JARID2: variants seen among roughly 807,000 people sequenced by gnomAD.
The protein encoded by JARID2 is protein Jumonji.
In JARID2, 21 loss-of-function variants were observed where a neutral mutation model predicts 125.6. The observed-to-expected ratio is 0.17, with a 90% CI of 0.12 to 0.24. The LOEUF is 0.24. JARID2 is among the 10% of genes least tolerant of loss of function. The pLI is 1.00. For synonymous variants in JARID2, 736 were observed against 661.6 expected (o/e 1.11, Z -1.73); for missense variants, 1,303 against 1,639.6 (o/e 0.79, Z 3.55).
At chr6:15,268,695 C>G (rs566816344) in intron 1 of JARID2, among the ~76,000 whole-genome samples, 2 of 152,290 alleles carry the variant, frequency 1.3e-5, no homozygotes, top group East Asian at 3.9e-4. Context: ...ATCCATCCTC[C>G]CCTGCTGTTT....
intron 3 of JARID2, among the ~76,000 whole-genome samples, chr6:15,418,237 G>GT (rs1766326359): frequency 1.4e-5 from 1 of 69,206 alleles, no homozygotes; most frequent in Non-Finnish European, 2.7e-5. Flanking sequence ...TTTTTTTTTG[G>GT]TAAGACAGTC....
intron 1 of JARID2, among the ~76,000 whole-genome samples, chr6:15,352,151 C>G (rs1195835702): frequency 6.6e-6 from 1 of 152,108 alleles, no homozygotes; most frequent in Non-Finnish European, 1.5e-5. Context: ...CTCCTGAAAT[C>G]CTGTTAGTTT....
intron 13 of JARID2, 31 bp downstream of exon 13, chr6:15,511,432 G>A (rs1771274543): frequency 7.0e-7 from 1 of 1,426,546 alleles, no homozygotes; most frequent in East Asian, 2.3e-5. Flanking sequence ...CCTCCAGCAG[G>A]AGCTGTAGGA....
At chr6:15,338,922 T>C (rs1443703334) in intron 1 of JARID2, among the ~76,000 whole-genome samples, 2 of 152,158 alleles carry the variant, frequency 1.3e-5, no homozygotes, top group Admixed American at 1.3e-4. Context: ...ACTAAAATAT[T>C]TGAACTCTCC....
chr6:15,431,367 C>G (rs954844759), intron 3 of JARID2, among the ~76,000 whole-genome samples: 1 of 152,184 alleles, frequency 6.6e-6, no homozygotes, highest in Non-Finnish European at 1.5e-5. Context: ...ATCCGTATGT[C>G]TCATAAACGA....
intron 2 of JARID2, among the ~76,000 whole-genome samples, chr6:15,381,331 A>C (rs1581480782): frequency 1.7e-5 from 2 of 117,706 alleles, no homozygotes; most frequent in South Asian, 2.9e-4. Flanking sequence ...ACAGAGGGAG[A>C]CTCCTGTCTC....
intron 12 of JARID2, among the ~76,000 whole-genome samples, chr6:15,510,173 TGTGTTTAATG>T (rs1771205734): frequency 6.6e-6 from 1 of 152,050 alleles, no homozygotes; most frequent in Non-Finnish European, 1.5e-5. Context: ...CCCACATCTT[TGTGTTTAATG>T]GTGGTTGATG....
chr6:15,303,247 C>T (rs1318360901), intron 1 of JARID2, among the ~76,000 whole-genome samples: 2 of 152,218 alleles, frequency 1.3e-5, no homozygotes, highest in East Asian at 1.9e-4. Flanking sequence ...CTATAGGTAG[C>T]GCACCTCGAA....
chr6:15,259,116 G>C (rs1047227037), intron 1 of JARID2, among the ~76,000 whole-genome samples: 7 of 152,200 alleles, frequency 4.6e-5, no homozygotes, highest in African/African-American at 1.7e-4. Context: ...GTGAGGATGA[G>C]GGTAGTGTTC....
At chr6:15,516,307 C>T (rs907138440) in intron 16 of JARID2, among the ~76,000 whole-genome samples, 3 of 152,192 alleles carry the variant, frequency 2.0e-5, no homozygotes, top group African/African-American at 7.2e-5. Context: ...CTGAATTTTT[C>T]CTTATTTTCA....
At chr6:15,414,132 A>AAGGGGAAGACTG (rs1426085059) in intron 3 of JARID2, among the ~76,000 whole-genome samples, 1 of 152,178 alleles carries the variant, frequency 6.6e-6, no homozygotes, top group Admixed American at 6.5e-5. Flanking sequence ...GTGATGGGGA[A>AAGGGGAAGACTG]AGGGGAAGAC....
chr6:15,503,266 G>T (rs1770829198), intron 8 of JARID2, among the ~76,000 whole-genome samples: 1 of 152,316 alleles, frequency 6.6e-6, no homozygotes, highest in Non-Finnish European at 1.5e-5. Flanking sequence ...CTCTGCCTTG[G>T]TGCAGAATTC....
At chr6:15,467,719 C>G (rs1768809930) in intron 4 of JARID2, among the ~76,000 whole-genome samples, 1 of 152,024 alleles carries the variant, frequency 6.6e-6, no homozygotes, top group Non-Finnish European at 1.5e-5. Context: ...ACCTGTAGCT[C>G]CAGCTACAGG....
chr6:15,289,980 T>G (rs1761145807), intron 1 of JARID2, among the ~76,000 whole-genome samples: 1 of 152,248 alleles, frequency 6.6e-6, no homozygotes, highest in Admixed American at 6.5e-5. Context: ...ATTTTAAATT[T>G]TTCTCAGACA....
chr6:15,507,581 C>T (rs972270614), intron 11 of JARID2, among the ~76,000 whole-genome samples, 165 bp downstream of exon 11: 22 of 152,172 alleles, frequency 1.4e-4, no homozygotes, highest in Admixed American at 1.2e-3. Context: ...AAAGGAGTAA[C>T]ATAATGATTG....
At chr6:15,387,847 G>T (rs902269348) in intron 2 of JARID2, among the ~76,000 whole-genome samples, 1 of 152,124 alleles carries the variant, frequency 6.6e-6, no homozygotes, top group African/African-American at 2.4e-5. Flanking sequence ...TAGATTATTT[G>T]GGGAAGCATT....
intron 1 of JARID2, among the ~76,000 whole-genome samples, chr6:15,348,706 C>T (rs1486707347): frequency 6.6e-6 from 1 of 152,176 alleles, no homozygotes; most frequent in Admixed American, 6.5e-5. Flanking sequence ...TGAAACCATA[C>T]AGGTAAAAAG....
chr6:15,491,487 T>C (rs1770147902), intron 6 of JARID2, among the ~76,000 whole-genome samples: 1 of 152,246 alleles, frequency 6.6e-6, no homozygotes, highest in Admixed American at 6.5e-5. Flanking sequence ...GCAAATGGAC[T>C]ACCCCCAGCC....
chr6:15,422,038 A>G (rs1251374951), intron 3 of JARID2, among the ~76,000 whole-genome samples: 1 of 152,186 alleles, frequency 6.6e-6, no homozygotes, highest in African/African-American at 2.4e-5. Context: ...TAGAAAGGGG[A>G]AAAGTTTTAG....
Sources: gnomAD v4.1 joint callset for allele counts (sites outside exome capture counted in the v4.1 genomes callset) on GRCh38, gnomAD v4.1.1 for gene constraint, MANE v1.5 for transcripts, NCBI Gene and HGNC (gene_info 2026-07-23, HGNC 2026-07-21) for gene names.